Variants in RUBCN observed in about 807,000 individuals in gnomAD.
RUBCN encodes rubicon autophagy regulator.
In RUBCN, 74 loss-of-function variants were observed where a neutral mutation model predicts 113.2. The ratio of observed to expected loss-of-function variants is 0.65; its 90% CI spans 0.54 to 0.79. The LOEUF (loss-of-function observed/expected upper bound fraction) is 0.79, where lower values mean the gene tolerates loss of function less well. Among genes scored for constraint, RUBCN ranks in the 30% least tolerant of loss-of-function variants. RUBCN has a pLI of 0.00. For synonymous variants in RUBCN, 480 were observed against 490.0 expected (o/e 0.98, Z 0.27); for missense variants, 1,109 against 1,251.7 (o/e 0.89, Z 1.72).
At chr3:197,704,382 C>T (rs1560439719) in intron 4 of RUBCN, among the ~76,000 whole-genome samples, 160 bp downstream of exon 4, 1 of 152,030 alleles carries the variant, frequency 6.6e-6, no homozygotes, top group Non-Finnish European at 1.5e-5. Flanking sequence ...TGCAGTGAGC[C>T]GAGATCACGC....
At chr3:197,691,273 G>C (rs2108876223) in intron 11 of RUBCN, 1 of 478,062 alleles carries the variant, frequency 2.1e-6, no homozygotes, top group East Asian at 7.0e-5. Context: ...TGGCGTTTAG[G>C]AACTTGCATC....
chr3:197,731,820 G>C (rs9875190), intron 1 of RUBCN, among the ~76,000 whole-genome samples: 16,955 of 146,824 alleles, frequency 0.12, 1,156 homozygotes, highest in African/African-American at 0.19. Context: ...ACCTCCCTCC[G>C]GGACAGGGCG....
chr3:197,705,315 C>T, intron 2 of RUBCN, 140 bp from the exon 3 acceptor site: 1 of 769,016 alleles, frequency 1.3e-6, no homozygotes. Context: ...TCAAAGGATA[C>T]ACACAGAGGC....
At chr3:197,739,615 G>C (rs536028327), upstream of RUBCN, among the ~76,000 whole-genome samples, 2 of 151,030 alleles carry the variant, frequency 1.3e-5, no homozygotes, top group African/African-American at 2.4e-5. Context: ...AGAATGGCGT[G>C]ATGAACCCGG....
intron 1 of RUBCN, among the ~76,000 whole-genome samples, chr3:197,727,559 G>A (rs768574098): frequency 6.6e-6 from 1 of 152,186 alleles, no homozygotes; most frequent in African/African-American, 2.4e-5. Context: ...TGGTTACAGT[G>A]TTCCACATCC....
rs1724083199 is a variant in RUBCN, at chr3:197,704,676, T to C, written c.329A>G (p.Gln110Arg). 3.7e-6 allele frequency: 6 copies of C among 1,614,006 alleles called. No homozygotes were observed. The highest frequency in any genetic ancestry group is 3.3e-5 in the South Asian group (3 of 91,084). Residue 110 changes from glutamine (Q) to arginine (R), a missense_variant, in exon 4 of 20, where the codon CAG (glutamine) becomes CGG (arginine). This residue lies in a region of RUBCN where 736 missense variants were observed against 779.6 expected (regional missense o/e 0.94). Coordinates refer to ENST00000296343, the MANE Select transcript of RUBCN (RefSeq NM_014687.4). Reference sequence around the variant, plus strand: ...TTCACTGGCACCATCAGCACTGCTCTGGTCGTTCTCGTGCACGCTGATGAA... The same window carrying C: ...TTCACTGGCACCATCAGCACTGCTCCGGTCGTTCTCGTGCACGCTGATGAA... ...EKFISVHEND[Q>R]SSADGASERA...
intron 18 of RUBCN, 124 bp downstream of exon 18, chr3:197,676,761 T>C: frequency 6.4e-7 from 1 of 1,570,264 alleles, no homozygotes; most frequent in Non-Finnish European, 8.6e-7. Context: ...TTCCAGTTCC[T>C]CTCCCAGTGC....
At chr3:197,694,618 G>C in intron 9 of RUBCN, 33 bp from the exon 10 acceptor site, 1 of 1,567,456 alleles carries the variant, frequency 6.4e-7, no homozygotes, top group Non-Finnish European at 8.8e-7. Context: ...CAGGCAAAGG[G>C]TTAGAAGTAT....
chr3:197,736,924 G>A (rs1422940003), upstream of RUBCN: 1 of 1,353,518 alleles, frequency 7.4e-7, no homozygotes, highest in Non-Finnish European at 9.4e-7. Context: ...CGGCTCCGGG[G>A]ACTACAGCCC....
Position 197,674,024 on chromosome 3 carries a change from C to G in RUBCN, c.*994G>C, listed in dbSNP as rs962258845. On this transcript the variant is annotated 3_prime_UTR_variant, in exon 20 of 20. Transcript: ENST00000296343. ...AACGGAGTCGGGTTGTACTTTTACT[C>G]AGAAGCACAACGACCATCTAACAGA... The G allele has an allele frequency of 6.6e-6, 1 of 152,300 alleles. No homozygotes were observed. The highest frequency in any genetic ancestry group is 2.4e-5 in the African/African-American group (1 of 41,438). 9.4% of individuals were successfully genotyped at this position (152,300 alleles called of 1,614,324 possible).
chr3:197,731,322 G>A (rs9870714), intron 1 of RUBCN, among the ~76,000 whole-genome samples: 17,112 of 152,178 alleles, frequency 0.11, 1,177 homozygotes, highest in African/African-American at 0.18. Context: ...TAACGTCACC[G>A]ATCAACAGGA....
intron 6 of RUBCN, 51 bp downstream of exon 6, chr3:197,701,657 C>T: frequency 6.3e-7 from 1 of 1,579,056 alleles, no homozygotes; most frequent in Non-Finnish European, 8.7e-7. Context: ...AGTCTTCTTA[C>T]TTTCCAGGGC....
intron 1 of RUBCN, among the ~76,000 whole-genome samples, chr3:197,724,526 C>A (rs936125336): frequency 6.6e-6 from 1 of 152,206 alleles, no homozygotes; most frequent in Admixed American, 6.5e-5. Flanking sequence ...AAGGAAACAG[C>A]TTCAGCTTAC....
At chr3:197,715,342 T>C (rs1020211707) in intron 2 of RUBCN, among the ~76,000 whole-genome samples, 1 of 150,658 alleles carries the variant, frequency 6.6e-6, no homozygotes, top group African/African-American at 2.4e-5. Flanking sequence ...ATAAAGTTTA[T>C]ATTTTAAAAA....
At chr3:197,677,109 T>C in intron 17 of RUBCN, 71 bp from the exon 18 acceptor site, 2 of 1,509,920 alleles carry the variant, frequency 1.3e-6, no homozygotes, top group Non-Finnish European at 1.8e-6. Context: ...GAAGGATCCC[T>C]ATCCAGAAAC....
intron 7 of RUBCN, chr3:197,699,308 A>G: frequency 9.1e-7 from 1 of 1,095,236 alleles, no homozygotes; most frequent in South Asian, 1.4e-5. Context: ...AAAGTGTCCT[A>G]AATTTTACCC....
rs201647255 is a variant in RUBCN, at chr3:197,675,197, C to A, written c.2741-1G>T. ...GCTTTATGGTAACACGCTTTACACT[C>A]TACTCAGGTTGGGAAGGTGGGGGAG... is the stretch of plus-strand genomic sequence containing the variant. On this transcript the variant is annotated splice_acceptor_variant, in intron 19 of 19. Coordinates refer to ENST00000296343, the MANE Select transcript of RUBCN (RefSeq NM_014687.4). LOFTEE classifies it high-confidence loss of function. This position sits in a 1 kb window ranked among gnomAD's most constrained non-coding sequence, Gnocchi z 4.4. The A allele has an allele frequency of 2.4e-5, 38 of 1,613,970 alleles. No homozygotes were observed. The highest frequency in any genetic ancestry group is 3.1e-5 in the Non-Finnish European group (37 of 1,180,042).
Position 197,693,580 on chromosome 3 carries a change from A to G in RUBCN, c.1786+135T>C, listed in dbSNP as rs9815245. The G allele has an allele frequency of 2.3e-3, 1,635 of 699,478 alleles. 15 individuals are homozygous for G. In the African/African-American group the frequency reaches 0.026, roughly 11 times the overall value. The allele number at this position is 699,478 out of a possible 1,614,324, so 43.3% of individuals were successfully genotyped here. ...ACTGTGAAGGGGTTTTGTTTTTAGC[A>G]GAAGGCTGTCCCTTACAATAGCTAA... is the stretch of plus-strand genomic sequence containing the variant. On this transcript the variant is annotated intron_variant, in intron 11 of 19. Coordinates refer to ENST00000296343, the MANE Select transcript of RUBCN (RefSeq NM_014687.4).
intron 17 of RUBCN, 109 bp from the exon 18 acceptor site, chr3:197,677,147 A>G (rs1580139243): frequency 4.1e-6 from 5 of 1,220,950 alleles, no homozygotes; most frequent in Non-Finnish European, 6.0e-6. Flanking sequence ...GTGGGCACCC[A>G]TCAGCCAGCC....
Sources: allele counts gnomAD v4.1 joint callset (sites outside exome capture counted in the v4.1 genomes callset), GRCh38; gene constraint gnomAD v4.1.1; regional missense constraint gnomAD v4.1.1; non-coding constraint Gnocchi (gnomAD v3.1); transcripts MANE v1.5; gene names NCBI Gene and HGNC (gene_info 2026-07-23, HGNC 2026-07-21).